ZNF136: variants seen among roughly 807,000 people sequenced by gnomAD.
ZNF136 encodes the protein zinc finger protein 136 (clone pHZ-20).
A neutral mutation model predicts 11.4 loss-of-function variants in ZNF136; 8 were observed. That is an observed-to-expected ratio of 0.70 (90% CI 0.41 to 1.27). The LOEUF (loss-of-function observed/expected upper bound fraction) is 1.27, where lower values mean the gene tolerates loss of function less well. Among genes scored for constraint, ZNF136 ranks in the 50% most tolerant of loss-of-function variants. The pLI is 0.01. For synonymous variants in ZNF136, 190 were observed against 207.1 expected, an observed-to-expected ratio of 0.92 and a Z score of 0.71; for missense variants, 590 against 656.5, an observed-to-expected ratio of 0.90 and a Z score of 1.11.
rs201664549 is a variant in ZNF136, at chr19:12,187,253, C to T, written c.875C>T (p.Ser292Phe). The T allele has an allele frequency of 3.1e-6, 5 of 1,613,618 alleles. No individual in the cohort carries two copies. The African/African-American group carries it at 5.3e-5, about 17-fold the overall frequency. Residue 292 changes from serine (S) to phenylalanine (F), a missense_variant, in exon 4 of 4, where the codon TCC becomes TTC. Transcript: ENST00000343979. ...CAATGTGGTAAAGCCTTCAGTTGTT[C>T]CCCAACCTTACGAATACATGAAAGA... is the stretch of plus-strand genomic sequence containing the variant. ...CKQCGKAFSC[S>F]PTLRIHERTH...
chr19:12,163,291 TC>T (rs1385863397), intron 1 of ZNF136, 85 bp downstream of exon 1: 4 of 1,320,932 alleles, frequency 3.0e-6, no homozygotes, highest in Admixed American at 3.0e-5. Context: ...GCCCGGGCCT[TC>T]CCGTGGGCGA....
At chr19:12,168,230 G>A (rs1442494484) in intron 1 of ZNF136, among the ~76,000 whole-genome samples, 2 of 151,332 alleles carry the variant, frequency 1.3e-5, no homozygotes, top group East Asian at 1.9e-4. Context: ...ACACCACCAC[G>A]CCTGGCTAAT....
chr19:12,171,259 G>T (rs925784438), intron 1 of ZNF136, among the ~76,000 whole-genome samples: 1 of 152,160 alleles, frequency 6.6e-6, no homozygotes, highest in Non-Finnish European at 1.5e-5. Flanking sequence ...GATTACAGGT[G>T]TGTGCCACCG....
chr19:12,187,535 A>G lies in ZNF136; in HGVS notation c.1157A>G (p.His386Arg). 3 of 1,613,778 alleles carry G rather than the reference A, an allele frequency of 1.9e-6. No homozygotes were observed. The highest frequency in any genetic ancestry group is 2.5e-6 in the Non-Finnish European group (3 of 1,179,968). The part of the protein sequence containing the change: ...IPSMRRHMIK[H>R]TGEGPYKCKV... ...AGTATGCGAAGACACATGATAAAAC[A>G]TACTGGAGAAGGACCTTATAAATGT... Residue 386 changes from histidine (H) to arginine (R), a missense_variant, in exon 4 of 4, where the codon CAT becomes CGT. Transcript: ENST00000343979.
At chr19:12,166,149 A>G (rs1977183337) in intron 1 of ZNF136, among the ~76,000 whole-genome samples, 1 of 151,878 alleles carries the variant, frequency 6.6e-6, no homozygotes, top group South Asian at 2.1e-4. Flanking sequence ...AATCACTTGA[A>G]CCCAGGAAGT....
chr19:12,183,117 T>G (rs1192866589), intron 1 of ZNF136, among the ~76,000 whole-genome samples: 1 of 152,066 alleles, frequency 6.6e-6, no homozygotes, highest in Non-Finnish European at 1.5e-5. Context: ...CTGTTCTTTT[T>G]TGTGATTTTG....
intron 1 of ZNF136, among the ~76,000 whole-genome samples, chr19:12,172,445 C>A (rs1914681360): frequency 6.6e-6 from 1 of 152,134 alleles, no homozygotes; most frequent in Non-Finnish European, 1.5e-5. Flanking sequence ...CCAGGTGTCC[C>A]TCTCACAGCA....
rs1410478960 is a variant in ZNF136, at chr19:12,189,245, A to G, written c.*1244A>G. On this transcript the variant is annotated 3_prime_UTR_variant, in exon 4 of 4. Coordinates refer to ENST00000343979, the MANE Select transcript of ZNF136 (RefSeq NM_003437.5). Reference sequence around the variant, plus strand: ...TAAGTCTTAATAAATGTTGGTATGAACCTACTTGCTTCATTTAGCAGGTTC... The same window carrying G: ...TAAGTCTTAATAAATGTTGGTATGAGCCTACTTGCTTCATTTAGCAGGTTC... The G allele has an allele frequency of 6.6e-6, 1 of 152,200 alleles. No homozygotes were observed. Among genetic ancestry groups the G allele is most frequent in the Non-Finnish European group, 1.5e-5 (1 of 68,042 alleles). 9.4% of individuals were successfully genotyped at this position (152,200 alleles called of 1,614,324 possible).
intron 1 of ZNF136, among the ~76,000 whole-genome samples, chr19:12,181,450 T>G (rs192142771): frequency 1.3e-5 from 2 of 151,986 alleles, no homozygotes; most frequent in African/African-American, 4.8e-5. Context: ...TTGGTTTTTT[T>G]GTTTTGTTTT....
At chr19:12,172,180 C>G (rs1914672501) in intron 1 of ZNF136, among the ~76,000 whole-genome samples, 1 of 151,808 alleles carries the variant, frequency 6.6e-6, no homozygotes, top group African/African-American at 2.4e-5. Flanking sequence ...GGTTCCTGAC[C>G]TCAAGTGATC....
intron 1 of ZNF136, among the ~76,000 whole-genome samples, chr19:12,179,150 A>G (rs1431387292): frequency 2.0e-5 from 3 of 152,190 alleles, no homozygotes; most frequent in Non-Finnish European, 4.4e-5. Flanking sequence ...CACTTATGAT[A>G]CCAAAAGTTA....
At chr19:12,181,777 G>A (rs904057815) in intron 1 of ZNF136, among the ~76,000 whole-genome samples, 4 of 152,096 alleles carry the variant, frequency 2.6e-5, no homozygotes. Flanking sequence ...TGGGACTACA[G>A]GCACCCACCA....
chr19:12,174,845 C>T (rs1914749526), intron 1 of ZNF136, among the ~76,000 whole-genome samples: 1 of 135,224 alleles, frequency 7.4e-6, no homozygotes, highest in South Asian at 2.3e-4. Context: ...CCATGTTAGT[C>T]AGGATGGCTT....
intron 1 of ZNF136, among the ~76,000 whole-genome samples, chr19:12,175,983 C>A (rs369549292): frequency 1.3e-5 from 2 of 152,072 alleles, no homozygotes; most frequent in Non-Finnish European, 1.5e-5. Flanking sequence ...AAAAGTAATA[C>A]GCATTTAAGG....
intron 1 of ZNF136, among the ~76,000 whole-genome samples, chr19:12,166,376 C>A (rs961161171): frequency 1.3e-5 from 2 of 151,994 alleles, no homozygotes; most frequent in African/African-American, 4.8e-5. Flanking sequence ...AGGGCTTAAC[C>A]TTGAGAATAT....
At chr19:12,172,289 T>C (rs1175857597) in intron 1 of ZNF136, among the ~76,000 whole-genome samples, 1 of 152,192 alleles carries the variant, frequency 6.6e-6, no homozygotes, top group Non-Finnish European at 1.5e-5. Flanking sequence ...TGATTTGATC[T>C]TGTTTATAGC....
intron 1 of ZNF136, among the ~76,000 whole-genome samples, chr19:12,167,555 G>T (rs1371806183): frequency 2.6e-5 from 4 of 152,120 alleles, no homozygotes; most frequent in Non-Finnish European, 1.5e-5. Flanking sequence ...GCCAGACTTT[G>T]TCTCAAAAAA....
chr19:12,169,435 T>G (rs973967124), intron 1 of ZNF136: 8 of 152,174 alleles, frequency 5.3e-5, no homozygotes, highest in African/African-American at 1.9e-4. Context: ...TACTCAAATA[T>G]TCCTCACTCA....
intron 1 of ZNF136, among the ~76,000 whole-genome samples, chr19:12,170,115 A>T (rs1914612511): frequency 7.1e-6 from 1 of 141,734 alleles, no homozygotes; most frequent in Non-Finnish European, 1.5e-5. Flanking sequence ...TTTTTAGTAG[A>T]GACGGGGTTT....
Sources: allele counts gnomAD v4.1 joint callset (sites outside exome capture counted in the v4.1 genomes callset), GRCh38; gene constraint gnomAD v4.1.1; transcripts MANE v1.5; gene names NCBI Gene and HGNC (gene_info 2026-07-23, HGNC 2026-07-21).